CA10: variants seen among roughly 807,000 people sequenced by gnomAD.
The protein encoded by CA10 is carbonic anhydrase-related protein 10.
In CA10, 14 loss-of-function variants were observed where a neutral mutation model predicts 44.2. The ratio of observed to expected loss-of-function variants is 0.32; its 90% CI spans 0.21 to 0.50. The LOEUF (loss-of-function observed/expected upper bound fraction) is 0.50. CA10 is among the 20% of genes least tolerant of loss of function. CA10 has a pLI of 0.99. For synonymous variants in CA10, 159 were observed against 141.6 expected (o/e 1.12, Z -0.87); for missense variants, 350 against 409.7 (o/e 0.85, Z 1.26).
At chr17:51,696,139 G>C (rs1387501819) in intron 4 of CA10, among the ~76,000 whole-genome samples, 4 of 151,988 alleles carry the variant, frequency 2.6e-5, no homozygotes, top group Non-Finnish European at 5.9e-5. Context: ...TTTTGTTGTT[G>C]TATCTTTGCC....
intron 1 of CA10, among the ~76,000 whole-genome samples, chr17:52,120,031 C>T (rs552902827): frequency 2.4e-4 from 37 of 152,246 alleles, no homozygotes; most frequent in African/African-American, 8.4e-4. Flanking sequence ...AAATAGGGTG[C>T]CCATCACCCA....
chr17:51,631,325 A>T lies in CA10; in HGVS notation c.*259T>A. The stretch of plus-strand genomic sequence containing the variant: ...GACTTCCCATGATGGAGGTTGTAAG[A>T]GTGTGTGTGTGTGTAGGTATGTTTG... On this transcript the variant is annotated 3_prime_UTR_variant, in exon 9 of 9. Transcript: ENST00000451037. 4 of 455,448 alleles carry T rather than the reference A, an allele frequency of 8.8e-6. No individual in the cohort carries two copies. The highest frequency in any genetic ancestry group is 7.8e-5 in the South Asian group (2 of 25,750). The allele number at this position is 455,448 out of a possible 1,614,324, so 28.2% of individuals were successfully genotyped here.
At position 51,720,399 on chromosome 17, in the gene CA10, G is replaced by T. The variant is rs149689669; in HGVS notation, c.465+27234C>A. ...TGCTAATGAGGTGACTTAAGGTGGG[G>T]ACCCTAGATAGCCTCAGGAAGAGGC... On this transcript the variant is annotated intron_variant, in intron 4 of 8. Transcript: ENST00000451037. 8.2e-4 allele frequency among the ~76,000 whole-genome samples: 125 copies of T among 152,256 alleles called. 4 individuals are homozygous for T. In the East Asian group the frequency reaches 0.022, roughly 27 times the overall value.
chr17:51,966,578 TAA>T (rs1437186514), intron 2 of CA10, among the ~76,000 whole-genome samples: 2 of 151,392 alleles, frequency 1.3e-5, no homozygotes, highest in African/African-American at 4.8e-5. Context: ...TAATTTTCAA[TAA>T]AGTCAAGAAA....
At chr17:51,816,197 C>T (rs1180781010) in intron 3 of CA10, among the ~76,000 whole-genome samples, 1 of 152,156 alleles carries the variant, frequency 6.6e-6, no homozygotes, top group African/African-American at 2.4e-5. Context: ...CTTATTTCAC[C>T]TCACATAATG....
At chr17:51,851,884 C>A (rs1015332705) in intron 3 of CA10, among the ~76,000 whole-genome samples, 2 of 152,222 alleles carry the variant, frequency 1.3e-5, no homozygotes, top group Admixed American at 6.5e-5. Context: ...TTTCACTGAA[C>A]TTCAGATTTT....
chr17:51,958,873 C>T (rs1598139793), intron 2 of CA10, among the ~76,000 whole-genome samples: 1 of 152,158 alleles, frequency 6.6e-6, no homozygotes, highest in East Asian at 1.9e-4. Context: ...TAAGCATATA[C>T]CATCCTCCAT....
intron 2 of CA10, among the ~76,000 whole-genome samples, chr17:51,978,236 T>A (rs1015749472): frequency 2.0e-5 from 3 of 152,162 alleles, no homozygotes; most frequent in Admixed American, 6.6e-5. Context: ...AGAACAAAGT[T>A]GGATAACTTA....
chr17:51,933,334 G>A (rs1275778743), intron 2 of CA10, among the ~76,000 whole-genome samples: 1 of 152,098 alleles, frequency 6.6e-6, no homozygotes, highest in African/African-American at 2.4e-5. Flanking sequence ...GAGGGTCAGA[G>A]ATATAAAGAT....
intron 3 of CA10, among the ~76,000 whole-genome samples, chr17:51,772,551 T>G (rs973112845): frequency 5.3e-5 from 8 of 151,900 alleles, no homozygotes; most frequent in Admixed American, 3.9e-4. Context: ...CAAATGGGAA[T>G]GATGGAAAGA....
chr17:52,040,615 C>G (rs1392606720), intron 2 of CA10, among the ~76,000 whole-genome samples: 4 of 151,996 alleles, frequency 2.6e-5, no homozygotes, highest in African/African-American at 7.2e-5. Context: ...GAGAAACAAA[C>G]AAGATGACCC....
At chr17:52,080,670 C>T (rs1230631055) in intron 1 of CA10, among the ~76,000 whole-genome samples, 1 of 152,022 alleles carries the variant, frequency 6.6e-6, no homozygotes. Context: ...ATTCTTCCTG[C>T]TGTCCCCAGG....
chr17:51,860,584 G>T (rs923048653), intron 3 of CA10, among the ~76,000 whole-genome samples: 3 of 152,156 alleles, frequency 2.0e-5, no homozygotes, highest in Admixed American at 6.5e-5. Flanking sequence ...AGTCTTGGAG[G>T]ATGGATGCTT....
chr17:51,939,975 A>G (rs1275776200), intron 2 of CA10, among the ~76,000 whole-genome samples: 1 of 152,070 alleles, frequency 6.6e-6, no homozygotes, highest in Non-Finnish European at 1.5e-5. Context: ...TTCCAACTAC[A>G]GGTTATATAC....
chr17:51,947,468 C>T (rs1019788871), intron 2 of CA10, among the ~76,000 whole-genome samples: 1 of 152,090 alleles, frequency 6.6e-6, no homozygotes, highest in Non-Finnish European at 1.5e-5. Flanking sequence ...TATTTCTACT[C>T]AATTGTAAAG....
chr17:51,936,245 T>A (rs1036742328), intron 2 of CA10, among the ~76,000 whole-genome samples: 1 of 152,174 alleles, frequency 6.6e-6, no homozygotes, highest in South Asian at 2.1e-4. Flanking sequence ...AGAGATATGG[T>A]TCCTATTCTC....
intron 2 of CA10, among the ~76,000 whole-genome samples, chr17:51,950,850 A>G (rs1266692467): frequency 6.6e-6 from 1 of 152,250 alleles, no homozygotes; most frequent in African/African-American, 2.4e-5. Flanking sequence ...TGAATGGAAA[A>G]TAGCCGAGCG....
intron 3 of CA10, among the ~76,000 whole-genome samples, chr17:51,867,215 CAGTA>C (rs1165452513): frequency 2.0e-5 from 3 of 152,096 alleles, no homozygotes; most frequent in Non-Finnish European, 4.4e-5. Flanking sequence ...AGTGTAATTG[CAGTA>C]AGTAAGATGC....
chr17:51,878,861 T>C (rs1217220119), intron 3 of CA10, among the ~76,000 whole-genome samples: 2 of 24,002 alleles, frequency 8.3e-5, no homozygotes, highest in Admixed American at 6.3e-4. Flanking sequence ...TATATATATA[T>C]ATATATATAT....
Sources: allele counts gnomAD v4.1 joint callset (sites outside exome capture counted in the v4.1 genomes callset), GRCh38; gene constraint gnomAD v4.1.1; transcripts MANE v1.5; gene names NCBI Gene and HGNC (gene_info 2026-07-23, HGNC 2026-07-21).